DTX1: variants seen among roughly 807,000 people sequenced by gnomAD.
The protein encoded by DTX1 is deltex E3 ubiquitin ligase 1.
Under a neutral mutation model 57.8 loss-of-function variants are expected in DTX1, and 26 were observed. The ratio of observed to expected loss-of-function variants is 0.45; its 90% CI spans 0.33 to 0.62. DTX1 has a LOEUF of 0.62. DTX1 is among the 20% of genes least tolerant of loss of function. The probability of loss-of-function intolerance (pLI) is 0.02; values close to 1 mark genes in which losing one functional copy is unlikely to be tolerated. For missense variants in DTX1, 704 were observed against 895.3 expected (o/e 0.79, Z 2.73); for synonymous variants, 398 against 394.1 (o/e 1.01, Z -0.12).
At chr12:113,057,342 C>A (rs1411934193) in intron 1 of DTX1, 107 bp from the exon 2 acceptor site, 3 of 152,582 alleles carry the variant, frequency 2.0e-5, no homozygotes, top group South Asian at 4.1e-4. Flanking sequence ...CCCTTGCTGT[C>A]CCCCTTCGGT....
chr12:113,076,151 G>A (rs1315228898), intron 2 of DTX1, among the ~76,000 whole-genome samples: 1 of 151,988 alleles, frequency 6.6e-6, no homozygotes, highest in Non-Finnish European at 1.5e-5. Flanking sequence ...ATACATAAAG[G>A]TATCAATTTA....
In DTX1 at chr12:113,070,517, AG is replaced by A. The variant is rs529841961; in HGVS notation, c.260-6904del. Among the ~76,000 whole-genome samples, 341 of 152,302 alleles carry A rather than the reference AG, an allele frequency of 2.2e-3. 2 individuals are homozygous for A. Among genetic ancestry groups the A allele is most frequent in the Non-Finnish European group, 3.6e-3 (247 of 68,018 alleles). On this transcript the variant is annotated intron_variant, in intron 2 of 9. Transcript: ENST00000548759. The stretch of plus-strand genomic sequence containing the variant: ...CCAGAGAGGAACCGTTTAGAGGCTG[AG>A]GGACCAGCAGGAGGAAGGCTCGGGG...
intron 1 of DTX1, 96 bp downstream of exon 1, chr12:113,057,040 C>G (rs565510471): frequency 6.6e-6 from 1 of 152,138 alleles, no homozygotes; most frequent in African/African-American, 2.4e-5. Context: ...GGGGCTGTTA[C>G]CCCCAGGGCG....
intron 3 of DTX1, among the ~76,000 whole-genome samples, chr12:113,085,632 C>T (rs2044851463): frequency 6.6e-6 from 1 of 152,164 alleles, no homozygotes; most frequent in Admixed American, 6.5e-5. Flanking sequence ...CCTTTGTCTC[C>T]CATCTTTTCT....
In DTX1 at chr12:113,058,189, G is replaced by C; in HGVS notation, c.-4G>C. 2.5e-6 allele frequency: 4 copies of C among 1,596,184 alleles called. No individual in the cohort carries two copies. Among genetic ancestry groups the C allele is most frequent in the Non-Finnish European group, 3.4e-6 (4 of 1,169,844 alleles). The stretch of plus-strand genomic sequence containing the variant: ...GGGACCTGGCCCCTGAGGCAGTGGC[G>C]GCCATGTCACGGCCAGGCCACGGTG... On this transcript the variant is annotated 5_prime_UTR_variant, in exon 2 of 10. Transcript: ENST00000548759.
In DTX1 at chr12:113,093,436, A is replaced by AGCCCG; in HGVS notation, c.1004-103_1004-102insGCCCG. 1.1e-6 allele frequency: 1 copy of AGCCCG among 876,280 alleles called. No individual in the cohort carries two copies. Among genetic ancestry groups the AGCCCG allele is most frequent in the Non-Finnish European group, 1.7e-6 (1 of 586,222 alleles). 54.3% of individuals were successfully genotyped at this position (876,280 alleles called of 1,614,324 possible). A position where few individuals can be genotyped will look rare whatever the true frequency, so the allele number is the denominator to read the frequency against. Reference sequence around the variant, plus strand: ...CTGAGTGGGTGGGGCCCAAGAGCGCAACCCTCCCACCCACCCGAGGGCCCC... The same window carrying AGCCCG: ...CTGAGTGGGTGGGGCCCAAGAGCGCAGCCCGACCCTCCCACCCACCCGAGGGCCCC... On this transcript the variant is annotated intron_variant, in intron 4 of 9. Coordinates refer to ENST00000548759, the MANE Select transcript of DTX1 (RefSeq NM_004416.3). The surrounding 1 kb of genome is among the most constrained non-coding windows in gnomAD (Gnocchi z 4.2).
chr12:113,070,661 G>T (rs1180755841), intron 2 of DTX1, among the ~76,000 whole-genome samples: 1 of 152,230 alleles, frequency 6.6e-6, no homozygotes, highest in Non-Finnish European at 1.5e-5. Flanking sequence ...CCATGCTCTA[G>T]GGCAGAAACC....
At chr12:113,087,364 G>C (rs1403773715) in intron 3 of DTX1, among the ~76,000 whole-genome samples, 1 of 152,158 alleles carries the variant, frequency 6.6e-6, no homozygotes, top group Non-Finnish European at 1.5e-5. Context: ...GGGGAAGTGA[G>C]GACCCCAGAC....
chr12:113,058,536 T>G (rs1380188686), intron 2 of DTX1, 85 bp downstream of exon 2: 2 of 1,524,404 alleles, frequency 1.3e-6, no homozygotes, highest in East Asian at 4.5e-5. Flanking sequence ...CCAGTAAATC[T>G]GCTGATGCCA....
At chr12:113,090,423 G>C (rs531048376) in intron 3 of DTX1, among the ~76,000 whole-genome samples, 1 of 152,114 alleles carries the variant, frequency 6.6e-6, no homozygotes, top group African/African-American at 2.4e-5. Flanking sequence ...CAGGGTGCCC[G>C]ACAAGAAAAT....
chr12:113,065,232 C>G (rs561539099), intron 2 of DTX1, among the ~76,000 whole-genome samples: 1 of 152,320 alleles, frequency 6.6e-6, no homozygotes, highest in South Asian at 2.1e-4. Context: ...TTCCTACAGT[C>G]TGTCTGGGTT....
At chr12:113,066,351 A>G (rs1206677632) in intron 2 of DTX1, among the ~76,000 whole-genome samples, 2 of 152,082 alleles carry the variant, frequency 1.3e-5, no homozygotes, top group Non-Finnish European at 2.9e-5. Flanking sequence ...CAACATGGTA[A>G]AACCCCCTCT....
Position 113,077,331 on chromosome 12 carries a change from C to T in DTX1, c.260-93C>T. The T allele has an allele frequency of 7.1e-7, 1 of 1,417,498 alleles. No individual in the cohort carries two copies. Among genetic ancestry groups the T allele is most frequent in the Non-Finnish European group, 9.3e-7 (1 of 1,069,586 alleles). 87.8% of individuals were successfully genotyped at this position (1,417,498 alleles called of 1,614,324 possible). A position where few individuals can be genotyped will look rare whatever the true frequency, so the allele number is the denominator to read the frequency against. On this transcript the variant is annotated intron_variant, in intron 2 of 9. Transcript: ENST00000548759. The surrounding 1 kb of genome is among the most constrained non-coding windows in gnomAD (Gnocchi z 7.8). ...TGGAGGCCTGTGCTGACCCCCCAAC[C>T]TCCCGCCCACCCTTGCCTGGCTGTG... is the stretch of plus-strand genomic sequence containing the variant.
At chr12:113,087,598 G>C (rs543346589) in intron 3 of DTX1, among the ~76,000 whole-genome samples, 1 of 152,130 alleles carries the variant, frequency 6.6e-6, no homozygotes, top group East Asian at 1.9e-4. Context: ...GAGGGTGGGG[G>C]GTCCCTAAAG....
In DTX1 at chr12:113,094,798, A is replaced by G; in HGVS notation, c.1237A>G (p.Ile413Val). The change falls in exon 7 of 10, where the codon ATC becomes GTC. Residue 413 changes from isoleucine to valine, a missense_variant. By Grantham distance (29) the Ile-to-Val change is conservative. Around this residue, in one of 3 missense-constraint regions of DTX1, gnomAD observed 299 missense variants for 311.2 expected, o/e 0.96. Transcript: ENST00000548759. Reference sequence around the variant, plus strand: ...CTGCTGCCACCTGCAGGACTGCACCATCTGCATGGAGCGACTGGTCACAGC... The same window carrying G: ...CTGCTGCCACCTGCAGGACTGCACCGTCTGCATGGAGCGACTGGTCACAGC... ...VKNPPDEDCTICMERLVTASG... is the reference protein window; with the variant it reads ...VKNPPDEDCTVCMERLVTASG... 6.2e-7 allele frequency: 1 copy of G among 1,613,536 alleles called. No homozygotes were observed. The highest frequency in any genetic ancestry group is 8.5e-7 in the Non-Finnish European group (1 of 1,179,812).
rs1950265250 is a variant in DTX1, at chr12:113,093,852, C to T, written c.1165+152C>T. The T allele has an allele frequency of 2.1e-6, 3 of 1,427,424 alleles. No homozygotes were observed. Among genetic ancestry groups the T allele is most frequent in the East Asian group, 5.0e-5 (2 of 40,128 alleles). 88.4% of individuals were successfully genotyped at this position (1,427,424 alleles called of 1,614,324 possible). On this transcript the variant is annotated intron_variant, in intron 5 of 9. Coordinates refer to ENST00000548759, the MANE Select transcript of DTX1 (RefSeq NM_004416.3). The surrounding 1 kb of genome is among the most constrained non-coding windows in gnomAD (Gnocchi z 4.2). ...CCCCTTGCCCTGGCCCCATCTTTCA[C>T]CAGCTCCTGTTACAGCTAACCTCCA...
intron 2 of DTX1, among the ~76,000 whole-genome samples, chr12:113,061,210 GA>G (rs200434970): frequency 1.3e-5 from 2 of 151,574 alleles, no homozygotes; most frequent in African/African-American, 2.4e-5. Context: ...CCGGAAAAGG[GA>G]AAAAAAACAC....
rs540771488 is a variant in DTX1, at chr12:113,090,232, G to A, written c.942-2930G>A. ...GTTGTCTGCACTAGAGGTGCTTGAA[G>A]AATGGGCAGGAAAGAGGAAAAGCTT... On this transcript the variant is annotated intron_variant, in intron 3 of 9. Coordinates refer to ENST00000548759, the MANE Select transcript of DTX1 (RefSeq NM_004416.3). 2.2e-4 allele frequency among the ~76,000 whole-genome samples: 33 copies of A among 152,326 alleles called. No individual in the cohort carries two copies. In the South Asian group the frequency reaches 5.2e-3, roughly 24 times the overall value.
At chr12:113,065,796 G>C (rs1257167829) in intron 2 of DTX1, among the ~76,000 whole-genome samples, 2 of 152,042 alleles carry the variant, frequency 1.3e-5, no homozygotes, top group Non-Finnish European at 1.5e-5. Context: ...GGGCCAGGAC[G>C]GGGAGGCCAC....
Sources: allele counts gnomAD v4.1 joint callset (sites outside exome capture counted in the v4.1 genomes callset), GRCh38; gene constraint gnomAD v4.1.1; regional missense constraint gnomAD v4.1.1; non-coding constraint Gnocchi (gnomAD v3.1); transcripts MANE v1.5; gene names NCBI Gene and HGNC (gene_info 2026-07-23, HGNC 2026-07-21).